The following TTN variants were observed in gnomAD, a reference collection of about 807,000 sequenced individuals.
TTN encodes the protein connectin.
Under a neutral mutation model 3,223.0 loss-of-function variants are expected in TTN, and 1,525 were observed. The ratio of observed to expected loss-of-function variants is 0.47; its 90% CI spans 0.45 to 0.49. The LOEUF is 0.49. Ranked by LOEUF, TTN falls within the 20% of genes least tolerant of loss-of-function variation. TTN has a pLI of 0.00. For synonymous variants in TTN, 14,094 were observed against 15,161.0 expected (o/e 0.93, Z 5.17); for missense variants, 40,786 against 43,424.0 (o/e 0.94, Z 5.40).
In TTN at chr2:178,574,917, C is replaced by A. The variant is rs374485278; in HGVS notation, c.71215G>T (p.Val23739Phe). The change falls in exon 326 of 363, where the codon GTT becomes TTT. Residue 23739 changes from valine to phenylalanine, a missense_variant. By Grantham distance (50) the Val-to-Phe change is conservative. Transcript: ENST00000589042. ...PPTGPIKFDE[V>F]SSDFVTFSWD... ...GAGAAGGTTACAAAATCAGATGAAA[C>A]TTCATCAAATTTGATTGGTCCAGTA... 1.9e-6 allele frequency: 3 copies of A among 1,612,842 alleles called. No homozygotes were observed. In the African/African-American group the frequency reaches 4.0e-5, roughly 21 times the overall value.
intron 106 of TTN, among the ~76,000 whole-genome samples, 195 bp downstream of exon 106, chr2:178,703,952 G>C (rs2075426485): frequency 6.6e-6 from 1 of 152,182 alleles, no homozygotes; most frequent in Non-Finnish European, 1.5e-5. Flanking sequence ...CGATGCAAAA[G>C]AACTGACACT....
At position 178,677,393 on chromosome 2, in the gene TTN, A is replaced by G. The variant is rs181048962; in HGVS notation, c.34292-106T>C. ...GACACGTGAGGATAAGACCACAAAC[A>G]TGTAAACATAATATGTGATTTGAAA... On this transcript the variant is annotated intron_variant, in intron 146 of 362. Transcript: ENST00000589042. 156 of 558,722 alleles carry G rather than the reference A, an allele frequency of 2.8e-4. 1 individual carries two copies. The African/African-American group carries it at 2.9e-3, about 10-fold the overall frequency. The allele number at this position is 558,722 out of a possible 1,614,324, so 34.6% of individuals were successfully genotyped here. A position where few individuals can be genotyped will look rare whatever the true frequency, so the allele number is the denominator to read the frequency against.
At chr2:178,653,153 T>C (rs1288024249) in intron 198 of TTN, 29 bp from the exon 199 acceptor site, 2 of 1,608,704 alleles carry the variant, frequency 1.2e-6, no homozygotes, top group Non-Finnish European at 1.7e-6. Flanking sequence ...AAATTACATT[T>C]AGGGGTTATG....
intron 312 of TTN, 55 bp downstream of exon 312, chr2:178,583,552 A>T (rs1005313332): frequency 6.9e-7 from 1 of 1,446,152 alleles, no homozygotes; most frequent in Middle Eastern, 2.4e-4. Context: ...ATTAGGAAAA[A>T]TGACCATCAT....
In TTN at chr2:178,582,524, C is replaced by T; in HGVS notation, c.65932G>A (p.Glu21978Lys). ...GAGCCTCCATCTTCAAGAGGCGGTT[C>T]CCAAGAAAGCATAGCACGATCTGAA... ...MYSDRAMLSW[E>K]PPLEDGGSEI... Residue 21978 changes from glutamate to lysine, a missense_variant, in exon 314 of 363, where the codon GAA (glutamate) becomes AAA (lysine). Transcript: ENST00000589042. The T allele has an allele frequency of 6.2e-7, 1 of 1,612,876 alleles. No homozygotes were observed. Among genetic ancestry groups the T allele is most frequent in the Non-Finnish European group, 8.5e-7 (1 of 1,179,302 alleles).
Position 178,702,224 on chromosome 2 carries a change from C to T in TTN, c.30455G>A (p.Arg10152Gln), listed in dbSNP as rs375796685. The T allele has an allele frequency of 1.4e-5, 23 of 1,613,816 alleles. No individual in the cohort carries two copies. Among genetic ancestry groups the T allele is most frequent in the Non-Finnish European group, 1.8e-5 (21 of 1,179,888 alleles). The change falls in exon 108 of 363, where the codon CGG (arginine) becomes CAG (glutamine). Residue 10152 changes from arginine (R) to glutamine (Q), a missense_variant. Coordinates refer to ENST00000589042, the MANE Select transcript of TTN (RefSeq NM_001267550.2). ...TCTTGCTTCACCTCTTGGCTCCAGC[C>T]GAGCGATGACCGAGTAGACACCTAG... ...DDEGVYSVIA[R>Q]LEPRGEARST...
chr2:178,665,250 C>G, intron 165 of TTN, 127 bp downstream of exon 165: 1 of 968,704 alleles, frequency 1.0e-6, no homozygotes, highest in South Asian at 1.7e-5. Flanking sequence ...CCTGTGGAAC[C>G]TCAGACACTT....
At chr2:178,792,305 T>A in intron 9 of TTN, 108 bp from the exon 10 acceptor site, 1 of 1,054,970 alleles carries the variant, frequency 9.5e-7, no homozygotes. Flanking sequence ...AAATCCCTTT[T>A]CTGCAGATGT....
At chr2:178,701,789 T>C (rs2075049729) in intron 109 of TTN, among the ~76,000 whole-genome samples, 1 of 152,230 alleles carries the variant, frequency 6.6e-6, no homozygotes, top group Non-Finnish European at 1.5e-5. Flanking sequence ...TTTGTTTCAT[T>C]CTGTGGCTAT....
At position 178,721,026 on chromosome 2, in the gene TTN, A is replaced by G. The variant is rs878916672; in HGVS notation, c.22993T>C (p.Leu7665=). 16 of 1,613,268 alleles carry G rather than the reference A, an allele frequency of 9.9e-6. No homozygotes were observed. The highest frequency in any genetic ancestry group is 1.4e-5 in the Non-Finnish European group (16 of 1,179,424). ...GCACTAGCTTCATTGATCGTAAGCAATGCCACAGAATTAATGAATGACATG... is the reference window on the plus strand; with the variant it reads ...GCACTAGCTTCATTGATCGTAAGCAGTGCCACAGAATTAATGAATGACATG... ...YNMSFINSVA[L]LTINEASAED... Residue 7665 remains leucine (L), a synonymous_variant, in exon 79 of 363, where the codon TTG becomes CTG. Transcript: ENST00000589042.
At chr2:178,789,279 A>G in intron 13 of TTN, 81 bp downstream of exon 13, 1 of 1,570,306 alleles carries the variant, frequency 6.4e-7, no homozygotes, top group African/African-American at 1.4e-5. Context: ...ATATTAATGT[A>G]TTACAATAAG....
Position 178,650,787 on chromosome 2 carries a change from G to C in TTN, c.39673C>G (p.Pro13225Ala), listed in dbSNP as rs202240398. Reference sequence around the variant, plus strand: ...GGAGACTCCGCTCTTTCTGGAACAGGAACAGCTGGTTTCTCTTCCAAGACA... The same window carrying C: ...GGAGACTCCGCTCTTTCTGGAACAGCAACAGCTGGTTTCTCTTCCAAGACA... ...KPVLEEKPAVPVPERAESPPP... is the reference protein window; with the variant it reads ...KPVLEEKPAVAVPERAESPPP... Residue 13225 changes from proline to alanine, a missense_variant, in exon 209 of 363, where the codon CCT (proline) becomes GCT (alanine). By Grantham distance (27) the Pro-to-Ala change is conservative. Transcript: ENST00000589042. 5 of 1,607,660 alleles carry C rather than the reference G, an allele frequency of 3.1e-6. No homozygotes were observed. In the African/African-American group the frequency reaches 4.0e-5, roughly 13 times the overall value.
At chr2:178,549,930 C>G (rs2154148696) in intron 337 of TTN, 56 bp downstream of exon 337, 2 of 1,551,608 alleles carry the variant, frequency 1.3e-6, no homozygotes, top group East Asian at 4.5e-5. Flanking sequence ...TACAACTAGG[C>G]ATGTCTCTAA....
At position 178,572,631 on chromosome 2, in the gene TTN, C is replaced by T. The variant is rs774708126; in HGVS notation, c.73501G>A (p.Val24501Ile). ...GACTTGCTGCCTGAACTATTTTCTA[C>T]AGTTAGTATATATTTGCCACTGTCA... Reference protein sequence around the residue: ...RFDSGKYILTVENSSGSKSAF... With the variant: ...RFDSGKYILTIENSSGSKSAF... Residue 24501 changes from valine to isoleucine, a missense_variant, in exon 326 of 363, where the codon GTA becomes ATA. Val to Ile is a conservative substitution (Grantham distance 29). Transcript: ENST00000589042. The T allele has an allele frequency of 7.4e-6, 12 of 1,613,200 alleles. No individual in the cohort carries two copies. The highest frequency in any genetic ancestry group is 2.2e-5 in the East Asian group (1 of 44,794).
intron 88 of TTN, among the ~76,000 whole-genome samples, chr2:178,716,697 G>C (rs1328192900): frequency 6.6e-6 from 1 of 152,148 alleles, no homozygotes; most frequent in African/African-American, 2.4e-5. Flanking sequence ...GGGCTTGATA[G>C]TTTGGCTCTT....
At chr2:178,647,359 G>A in intron 214 of TTN, 22 bp downstream of exon 214, 2 of 1,547,906 alleles carry the variant, frequency 1.3e-6, no homozygotes, top group Non-Finnish European at 1.7e-6. Flanking sequence ...ATCTTTCCAA[G>A]ATTTATGGAG....
intron 335 of TTN, 128 bp downstream of exon 335, chr2:178,551,502 A>G (rs1575508463): frequency 2.3e-6 from 2 of 866,530 alleles, no homozygotes; most frequent in Non-Finnish European, 3.4e-6. Flanking sequence ...CTTGCTTTAC[A>G]TGACCAGTTC....
chr2:178,599,485 G>A, intron 289 of TTN, 40 bp from the exon 290 acceptor site: 1 of 1,518,518 alleles, frequency 6.6e-7, no homozygotes, highest in Non-Finnish European at 8.8e-7. Context: ...TCACTCAGAT[G>A]ATTTTAAAGC....
At chr2:178,691,502 A>C (rs1292087215) in intron 121 of TTN, among the ~76,000 whole-genome samples, 2 of 152,186 alleles carry the variant, frequency 1.3e-5, no homozygotes, top group Non-Finnish European at 1.5e-5. Flanking sequence ...ACTTCAAAAA[A>C]TCTGTATGTT....
Sources: gnomAD v4.1 joint callset for allele counts (sites outside exome capture counted in the v4.1 genomes callset) on GRCh38, gnomAD v4.1.1 for gene constraint, MANE v1.5 for transcripts, NCBI Gene and HGNC (gene_info 2026-07-23, HGNC 2026-07-21) for gene names.